DOCK11: variants seen among roughly 807,000 people sequenced by gnomAD.
DOCK11 encodes dedicator of cytokinesis protein 11.
DOCK11 carries 70 observed loss-of-function variants against 169.1 expected under a neutral mutation model. The ratio of observed to expected loss-of-function variants is 0.41; its 90% CI spans 0.34 to 0.51. The LOEUF is 0.51. DOCK11 is among the 20% of genes least tolerant of loss of function. The probability of loss-of-function intolerance (pLI) is 0.10; values close to 1 mark genes in which losing one functional copy is unlikely to be tolerated. For synonymous variants in DOCK11, 529 were observed against 541.3 expected, an observed-to-expected ratio of 0.98 and a Z score of 0.32; for missense variants, 1,166 against 1,538.8, an observed-to-expected ratio of 0.76 and a Z score of 4.05.
At chrX:118,533,565 G>A (rs977203542) in intron 1 of DOCK11, among the ~76,000 whole-genome samples, 1 of 112,056 alleles carries the variant, frequency 8.9e-6, no homozygotes, top group African/African-American at 3.2e-5. Flanking sequence ...ATGTGTGGCT[G>A]CTTTATAGAT....
chrX:118,654,007 G>A (rs1343573086), intron 42 of DOCK11, among the ~76,000 whole-genome samples: 1 of 112,247 alleles, frequency 8.9e-6, no homozygotes, highest in African/African-American at 3.2e-5. Context: ...AATTTCTGCA[G>A]TATGGTTTTC....
At chrX:118,572,703 A>G (rs909106965) in intron 11 of DOCK11, among the ~76,000 whole-genome samples, 6 of 111,914 alleles carry the variant, frequency 5.4e-5, no homozygotes, top group African/African-American at 9.7e-5. Context: ...CTGTGTGAAA[A>G]TTCCAGTGCC....
chrX:118,540,968 T>G (rs756907223), intron 1 of DOCK11, among the ~76,000 whole-genome samples: 2 of 111,677 alleles, frequency 1.8e-5, no homozygotes, highest in Non-Finnish European at 3.8e-5. Flanking sequence ...TAGAATAGAG[T>G]GTTGAGACAT....
chrX:118,520,162 A>G (rs113299953), intron 1 of DOCK11, among the ~76,000 whole-genome samples: 102 of 112,343 alleles, frequency 9.1e-4, no homozygotes, highest in African/African-American at 3.0e-3. Context: ...AAACATCAGT[A>G]CTAGAGATCT....
intron 40 of DOCK11, 78 bp from the exon 41 acceptor site, chrX:118,648,867 G>T: frequency 1.1e-6 from 1 of 918,328 alleles, no homozygotes; most frequent in Non-Finnish European, 1.5e-6. Flanking sequence ...TTTAGGTGAG[G>T]ATATAGAGGG....
intron 35 of DOCK11, among the ~76,000 whole-genome samples, chrX:118,631,143 C>G (rs964462444): frequency 1.8e-5 from 2 of 109,885 alleles, no homozygotes; most frequent in African/African-American, 6.6e-5. Context: ...AGACAGTTCC[C>G]TCCCTTCTCT....
In DOCK11 at chrX:118,617,159, C is replaced by T. The variant is rs772430421; in HGVS notation, c.3293-1391C>T. On this transcript the variant is annotated intron_variant, in intron 30 of 52. Transcript: ENST00000276202. The stretch of plus-strand genomic sequence containing the variant: ...TCATGGCCTATCTAATTAAATAGCA[C>T]GGGAGAGGAAATAAAGATAGTAGAA... Among the ~76,000 whole-genome samples, 32 of 111,290 alleles carry T rather than the reference C, an allele frequency of 2.9e-4. No individual in the cohort carries two copies. The South Asian group carries it at 0.01, about 35-fold the overall frequency.
intron 52 of DOCK11, among the ~76,000 whole-genome samples, chrX:118,684,271 C>CTT (rs1197326228): frequency 9.4e-4 from 74 of 78,579 alleles, no homozygotes; most frequent in Non-Finnish European, 1.2e-3. Flanking sequence ...TTTTTTTTTT[C>CTT]TTTTTTTTTT....
intron 46 of DOCK11, 131 bp downstream of exon 46, chrX:118,671,276 CTT>C (rs1336343055): frequency 3.6e-5 from 20 of 551,937 alleles, no homozygotes; most frequent in Non-Finnish European, 1.9e-5. Flanking sequence ...TACATTATGA[CTT>C]TTGCATTTTA....
chrX:118,577,237 A>G (rs184250363), intron 12 of DOCK11, among the ~76,000 whole-genome samples: 14 of 112,394 alleles, frequency 1.2e-4, no homozygotes, highest in Non-Finnish European at 2.6e-4. Context: ...TACCTTCTGC[A>G]GGGACAGCCC....
At chrX:118,514,373 C>T (rs757637377) in intron 1 of DOCK11, among the ~76,000 whole-genome samples, 17 of 111,176 alleles carry the variant, frequency 1.5e-4, no homozygotes, top group African/African-American at 5.2e-4. Context: ...CACGTTCCTG[C>T]GGGGTGAAAC....
Position 118,576,586 on chromosome X carries a change from C to G in DOCK11, c.1390-1939C>G, listed in dbSNP as rs2013455652. Among the ~76,000 whole-genome samples, 3 of 111,848 alleles carry G rather than the reference C, an allele frequency of 2.7e-5. No individual in the cohort carries two copies. In the South Asian group the frequency reaches 1.1e-3, roughly 42 times the overall value. ...TGTCTCCAAGGGCTGTGGGGAGGCACAAATAAGGTGCGTGGTTCTAAGAAA... is the reference window on the plus strand; with the variant it reads ...TGTCTCCAAGGGCTGTGGGGAGGCAGAAATAAGGTGCGTGGTTCTAAGAAA... On this transcript the variant is annotated intron_variant, in intron 12 of 52. Transcript: ENST00000276202.
At chrX:118,621,136 T>C in intron 31 of DOCK11, among the ~76,000 whole-genome samples, 1 of 112,805 alleles carries the variant, frequency 8.9e-6, no homozygotes, top group Non-Finnish European at 1.9e-5. Context: ...CCAAGCCTTA[T>C]TACTCTTTCA....
At chrX:118,636,276 A>T in intron 35 of DOCK11, 70 bp from the exon 36 acceptor site, 1 of 621,173 alleles carries the variant, frequency 1.6e-6, no homozygotes, top group Admixed American at 3.7e-5. Context: ...GCTACATAGG[A>T]CTTGGGGATT....
chrX:118,648,425 T>G (rs1402217414), intron 40 of DOCK11, among the ~76,000 whole-genome samples: 1 of 96,434 alleles, frequency 1.0e-5, no homozygotes, highest in East Asian at 3.0e-4. Flanking sequence ...TGCTTTATAT[T>G]TCAACAGTTC....
chrX:118,512,893 C>T (rs775746879), intron 1 of DOCK11, among the ~76,000 whole-genome samples: 2 of 112,159 alleles, frequency 1.8e-5, no homozygotes, highest in African/African-American at 6.5e-5. Flanking sequence ...CTGAGAGCAG[C>T]CCCCACTGGG....
intron 40 of DOCK11, among the ~76,000 whole-genome samples, chrX:118,647,707 T>G (rs2015744178): frequency 1.8e-5 from 1 of 54,831 alleles, no homozygotes; most frequent in Admixed American, 3.5e-4. Flanking sequence ...TAATATATAA[T>G]AATATAATAT....
chrX:118,610,328 T>G lies in DOCK11; in HGVS notation c.3006T>G (p.Leu1002=). Residue 1002 remains leucine, a synonymous_variant, in exon 28 of 53, where the codon CTT becomes CTG. Coordinates refer to ENST00000276202, the MANE Select transcript of DOCK11 (RefSeq NM_144658.4). ...ATCATCATGTCTTACATTCACTGCT[T>G]CTTGCAATAATTCCCCATGTGACTA... ...ETYHHVLHSL[L]LAIIPHVTIR... 8.3e-7 allele frequency: 1 copy of G among 1,211,080 alleles called. No individual in the cohort carries two copies. Among genetic ancestry groups the G allele is most frequent in the Non-Finnish European group, 1.1e-6 (1 of 894,964 alleles).
intron 39 of DOCK11, among the ~76,000 whole-genome samples, chrX:118,642,537 C>T (rs1291159944): frequency 1.8e-5 from 2 of 111,689 alleles, no homozygotes; most frequent in Non-Finnish European, 3.8e-5. Context: ...GATGTAGATA[C>T]TGTTATTATT....
Sources: gnomAD v4.1 joint callset for allele counts (sites outside exome capture counted in the v4.1 genomes callset) on GRCh38, gnomAD v4.1.1 for gene constraint, MANE v1.5 for transcripts, NCBI Gene and HGNC (gene_info 2026-07-23, HGNC 2026-07-21) for gene names.